DIP2B: variants seen among roughly 807,000 people sequenced by gnomAD.
DIP2B encodes the protein disco-interacting protein 2 homolog B.
DIP2B carries 76 observed loss-of-function variants against 198.0 expected under a neutral mutation model. The observed-to-expected ratio is 0.38, with a 90% CI of 0.32 to 0.46. DIP2B has a LOEUF of 0.46. DIP2B is among the 20% of genes least tolerant of loss of function. DIP2B has a pLI of 0.99. For missense variants in DIP2B, 1,559 were observed against 1,978.4 expected, an observed-to-expected ratio of 0.79 and a Z score of 4.02; for synonymous variants, 701 against 739.1, an observed-to-expected ratio of 0.95 and a Z score of 0.84.
chr12:50,705,293 A>C (rs1241089956), intron 20 of DIP2B, among the ~76,000 whole-genome samples: 1 of 152,164 alleles, frequency 6.6e-6, no homozygotes, highest in Non-Finnish European at 1.5e-5. Flanking sequence ...ATGGAGGGGC[A>C]GGGTGGGTGA....
chr12:50,601,238 T>C (rs1218161957), intron 1 of DIP2B, among the ~76,000 whole-genome samples: 2 of 152,106 alleles, frequency 1.3e-5, no homozygotes, highest in Non-Finnish European at 1.5e-5. Flanking sequence ...GGATTAGTAG[T>C]AATGTGTGTT....
chr12:50,644,248 A>T (rs562912717), intron 3 of DIP2B, among the ~76,000 whole-genome samples: 1 of 152,302 alleles, frequency 6.6e-6, no homozygotes, highest in African/African-American at 2.4e-5. Flanking sequence ...TCCAGGCATG[A>T]TTCACCTCCC....
At chr12:50,651,538 TTG>T (rs1938453151) in intron 3 of DIP2B, among the ~76,000 whole-genome samples, 1 of 152,180 alleles carries the variant, frequency 6.6e-6, no homozygotes, top group African/African-American at 2.4e-5. Flanking sequence ...TTTCATTCTT[TTG>T]CATGTGGATA....
chr12:50,581,271 C>A (rs1302086934), intron 1 of DIP2B, among the ~76,000 whole-genome samples: 1 of 149,450 alleles, frequency 6.7e-6, no homozygotes, highest in African/African-American at 2.5e-5. Context: ...ATCATTGAAA[C>A]AGGAATTTAT....
At chr12:50,622,536 A>C (rs1300205016) in intron 1 of DIP2B, among the ~76,000 whole-genome samples, 1 of 152,272 alleles carries the variant, frequency 6.6e-6, no homozygotes, top group Non-Finnish European at 1.5e-5. Context: ...ACCACTGTTA[A>C]TATTTTGGTG....
At chr12:50,552,467 T>C (rs977001606) in intron 1 of DIP2B, among the ~76,000 whole-genome samples, 1 of 151,832 alleles carries the variant, frequency 6.6e-6, no homozygotes, top group Non-Finnish European at 1.5e-5. Context: ...GGGGTTTCAC[T>C]GTGTTAGCCA....
chr12:50,608,606 A>G (rs1470347462), intron 1 of DIP2B, among the ~76,000 whole-genome samples: 3 of 151,016 alleles, frequency 2.0e-5, no homozygotes, highest in Admixed American at 6.6e-5. Context: ...ACCCTGGGTG[A>G]CATAGCAAGA....
intron 1 of DIP2B, among the ~76,000 whole-genome samples, chr12:50,548,709 A>G (rs1310645485): frequency 6.6e-6 from 1 of 152,056 alleles, no homozygotes; most frequent in Non-Finnish European, 1.5e-5. Flanking sequence ...TATTTTTAGT[A>G]GAGATGGGGT....
At chr12:50,625,780 T>C (rs945573624) in intron 1 of DIP2B, among the ~76,000 whole-genome samples, 196 bp from the exon 2 acceptor site, 15 of 152,150 alleles carry the variant, frequency 9.9e-5, no homozygotes, top group African/African-American at 3.4e-4. Flanking sequence ...TCTACAGTAT[T>C]CTACAGGAAG....
chr12:50,636,153 A>C (rs1284846693), intron 2 of DIP2B, among the ~76,000 whole-genome samples: 1 of 152,214 alleles, frequency 6.6e-6, no homozygotes, highest in African/African-American at 2.4e-5. Context: ...CGTGAACTTA[A>C]AACCAGTTTT....
At chr12:50,579,492 A>C (rs1231096602) in intron 1 of DIP2B, among the ~76,000 whole-genome samples, 1 of 149,754 alleles carries the variant, frequency 6.7e-6, no homozygotes, top group East Asian at 1.9e-4. Flanking sequence ...GGTGCCTGTA[A>C]CCCCAGCTAG....
At chr12:50,705,934 A>G (rs1430781555) in intron 20 of DIP2B, among the ~76,000 whole-genome samples, 4 of 152,208 alleles carry the variant, frequency 2.6e-5, no homozygotes, top group Non-Finnish European at 5.9e-5. Context: ...TTTGCTGCAA[A>G]TGAGTCTGGG....
At chr12:50,644,560 GA>G (rs1938317393) in intron 3 of DIP2B, among the ~76,000 whole-genome samples, 1 of 152,196 alleles carries the variant, frequency 6.6e-6, no homozygotes, top group Admixed American at 6.5e-5. Flanking sequence ...AGATCAAGAT[GA>G]ATTGTGTGGT....
At chr12:50,607,982 A>G (rs1487780863) in intron 1 of DIP2B, among the ~76,000 whole-genome samples, 1 of 152,084 alleles carries the variant, frequency 6.6e-6, no homozygotes, top group Non-Finnish European at 1.5e-5. Flanking sequence ...TTGTAGAGAC[A>G]GGTTTTTACC....
intron 3 of DIP2B, 34 bp downstream of exon 3, chr12:50,640,886 G>A (rs777415057): frequency 1.6e-5 from 26 of 1,601,066 alleles, no homozygotes; most frequent in Middle Eastern, 1.7e-4. Context: ...CAGCTGAATC[G>A]TTTTCCTAAC....
intron 1 of DIP2B, among the ~76,000 whole-genome samples, chr12:50,538,328 G>A (rs542579656): frequency 6.1e-4 from 93 of 152,294 alleles, no homozygotes; most frequent in Non-Finnish European, 1.2e-3. Flanking sequence ...AATGTGAAGA[G>A]AACAAGTGCA....
intron 1 of DIP2B, among the ~76,000 whole-genome samples, chr12:50,551,699 C>T (rs192938591): frequency 6.6e-6 from 1 of 152,296 alleles, no homozygotes; most frequent in East Asian, 1.9e-4. Flanking sequence ...CCGCCTTGGC[C>T]TCCCAAAGTC....
chr12:50,563,477 G>A (rs1250363390), intron 1 of DIP2B, among the ~76,000 whole-genome samples: 1 of 145,224 alleles, frequency 6.9e-6, no homozygotes, highest in African/African-American at 2.6e-5. Flanking sequence ...ATGAGCCACT[G>A]CACCTGGCCT....
intron 1 of DIP2B, among the ~76,000 whole-genome samples, chr12:50,560,318 C>T (rs2139396603): frequency 6.6e-6 from 1 of 151,826 alleles, no homozygotes; most frequent in South Asian, 2.1e-4. Context: ...TGGCGTGAAC[C>T]TGGGAGGTGG....
Sources: allele counts gnomAD v4.1 joint callset (sites outside exome capture counted in the v4.1 genomes callset), GRCh38; gene constraint gnomAD v4.1.1; transcripts MANE v1.5; gene names NCBI Gene and HGNC (gene_info 2026-07-23, HGNC 2026-07-21).